Variants in DPP6 observed in about 807,000 individuals in gnomAD.
The protein encoded by DPP6 is A-type potassium channel modulatory protein DPP6.
In DPP6, 69 loss-of-function variants were observed where a neutral mutation model predicts 122.6. That is an observed-to-expected ratio of 0.56 (90% CI 0.46 to 0.69). The LOEUF is 0.69. Ranked by LOEUF, DPP6 falls within the 30% of genes least tolerant of loss-of-function variation. DPP6 has a pLI of 0.00. For synonymous variants in DPP6, 418 were observed against 433.1 expected (o/e 0.97, Z 0.43); for missense variants, 928 against 1,116.9 (o/e 0.83, Z 2.41).
chr7:154,695,527 T>C (rs1404376409), intron 7 of DPP6, among the ~76,000 whole-genome samples: 2 of 152,192 alleles, frequency 1.3e-5, no homozygotes, highest in African/African-American at 2.4e-5. Context: ...ATGATTGCTA[T>C]AGTTCAGAGA....
intron 1 of DPP6, among the ~76,000 whole-genome samples, chr7:154,278,945 TGTG>T (rs1240088297): frequency 6.6e-6 from 1 of 151,752 alleles, no homozygotes; most frequent in Non-Finnish European, 1.5e-5. Flanking sequence ...GTGTTTGTTG[TGTG>T]GTATGTATAT....
At chr7:153,837,859 T>TTTTC in the DPP6 span, among the ~76,000 whole-genome samples, 1 of 146,468 alleles carries the variant, frequency 6.8e-6, no homozygotes, top group African/African-American at 2.6e-5. Context: ...TTTTTTTTTT[T>TTTTC]TTTAGTAGAG....
chr7:154,335,603 A>G (rs1305626782), intron 1 of DPP6, among the ~76,000 whole-genome samples: 1 of 152,186 alleles, frequency 6.6e-6, no homozygotes, highest in Non-Finnish European at 1.5e-5. Context: ...CAATCCAAGA[A>G]GCCAATAATT....
At chr7:154,018,268 A>G (rs957998076) in intron 1 of DPP6, among the ~76,000 whole-genome samples, 1 of 151,964 alleles carries the variant, frequency 6.6e-6, no homozygotes, top group African/African-American at 2.4e-5. Flanking sequence ...ACAGAGGCCA[A>G]CACAGTGCCT....
At chr7:154,356,346 A>G (rs1811265309) in intron 1 of DPP6, among the ~76,000 whole-genome samples, 1 of 152,344 alleles carries the variant, frequency 6.6e-6, no homozygotes, top group Non-Finnish European at 1.5e-5. Flanking sequence ...ATACTTAAGT[A>G]CTTGTGGATT....
chr7:153,918,594 CTCTCTCTCTCTCTCTCTCTCTCTCTG>C lies in DPP6; in HGVS notation c.51+30869_51+30894del, dbSNP rs1170807590. Among the ~76,000 whole-genome samples, 498 of 92,210 alleles carry C rather than the reference CTCTCTCTCTCTCTCTCTCTCTCTCTG, an allele frequency of 5.4e-3. 8 individuals carry two copies. The highest frequency in any genetic ancestry group is 0.019 in the East Asian group (74 of 3,926). 60.5% of individuals were successfully genotyped at this position (92,210 alleles called of 152,430 possible). A position where few individuals can be genotyped will look rare whatever the true frequency, so the allele number is the denominator to read the frequency against. On this transcript the variant is annotated intron_variant, in intron 1 of 25. Transcript: ENST00000404039. ...TCTCTCTCTCTCTCTCTCTCTCTCTCTCTCTCTCTCTCTCTCTCTCTCTCTGTCTCTCTCACTACTGGTGATATCAT... is the reference window on the plus strand; with the variant it reads ...TCTCTCTCTCTCTCTCTCTCTCTCTCTCTCTCTCACTACTGGTGATATCAT...
At chr7:154,717,566 AC>A (rs1841559351) in intron 7 of DPP6, among the ~76,000 whole-genome samples, 1 of 152,204 alleles carries the variant, frequency 6.6e-6, no homozygotes, top group Non-Finnish European at 1.5e-5. Flanking sequence ...GCTGCAAATG[AC>A]AGGATTTCAT....
chr7:154,359,446 C>T (rs141010417), intron 1 of DPP6, among the ~76,000 whole-genome samples: 61 of 152,222 alleles, frequency 4.0e-4, no homozygotes, highest in African/African-American at 1.4e-3. Context: ...CCAGCCCCTG[C>T]CTTCTGCTGT....
intron 1 of DPP6, among the ~76,000 whole-genome samples, chr7:154,224,970 C>T (rs535300758): frequency 9.2e-5 from 14 of 152,094 alleles, no homozygotes; most frequent in African/African-American, 2.2e-4. Flanking sequence ...TGGTGAACCC[C>T]GTCTCTACTG....
At chr7:154,286,151 C>T (rs184127218) in intron 1 of DPP6, among the ~76,000 whole-genome samples, 17 of 152,252 alleles carry the variant, frequency 1.1e-4, no homozygotes, top group Admixed American at 4.6e-4. Flanking sequence ...AACTGAGCAG[C>T]GCACTGAGAT....
At chr7:153,833,004 G>T in the DPP6 span, among the ~76,000 whole-genome samples, 2 of 152,204 alleles carry the variant, frequency 1.3e-5, no homozygotes, top group Non-Finnish European at 2.9e-5. Context: ...ATGTGACACA[G>T]CTAAGGTGCA....
At chr7:154,333,505 T>G (rs1327425158) in intron 1 of DPP6, among the ~76,000 whole-genome samples, 6 of 152,206 alleles carry the variant, frequency 3.9e-5, no homozygotes, top group Non-Finnish European at 5.9e-5. Context: ...CAGGCTGCAT[T>G]TAGATGGTTT....
chr7:154,182,937 C>T (rs1319960722), intron 1 of DPP6, among the ~76,000 whole-genome samples: 3 of 152,150 alleles, frequency 2.0e-5, no homozygotes, highest in Admixed American at 6.5e-5. Flanking sequence ...TTTCTCACTT[C>T]TCTTCCCACT....
chr7:153,977,110 T>C (rs1796345918), intron 1 of DPP6, among the ~76,000 whole-genome samples: 1 of 152,100 alleles, frequency 6.6e-6, no homozygotes, highest in South Asian at 2.1e-4. Context: ...GTTTTCTTTC[T>C]TTTTTTTCTC....
At chr7:154,409,349 AG>A (rs1816396203) in intron 1 of DPP6, among the ~76,000 whole-genome samples, 1 of 152,214 alleles carries the variant, frequency 6.6e-6, no homozygotes, top group African/African-American at 2.4e-5. Flanking sequence ...CTATAAGCCA[AG>A]GGCAGAGGCC....
intron 5 of DPP6, among the ~76,000 whole-genome samples, chr7:154,590,660 G>A (rs1449993804): frequency 3.3e-5 from 5 of 149,556 alleles, no homozygotes; most frequent in South Asian, 2.2e-4. Context: ...TCAGCCTCTC[G>A]AGTAGCTGGG....
chr7:154,125,335 C>T (rs1485650612), intron 1 of DPP6, among the ~76,000 whole-genome samples: 1 of 152,194 alleles, frequency 6.6e-6, no homozygotes, highest in Non-Finnish European at 1.5e-5. Flanking sequence ...TATATACCGC[C>T]TACATTTCTG....
At chr7:154,717,456 A>C (rs1448648282) in intron 7 of DPP6, among the ~76,000 whole-genome samples, 1 of 151,996 alleles carries the variant, frequency 6.6e-6, no homozygotes, top group Admixed American at 6.6e-5. Context: ...CTATGAGAGC[A>C]ATGTTTTAGA....
rs146051843 is a variant in DPP6, at chr7:154,655,989, G to C, written c.681-13371G>C. ...GCGGTGAGAAATCGCCACAAACTGCGTGGCTTAAAACAACAGAAATTGCCC... is the reference window on the plus strand; with the variant it reads ...GCGGTGAGAAATCGCCACAAACTGCCTGGCTTAAAACAACAGAAATTGCCC... On this transcript the variant is annotated intron_variant, in intron 6 of 25. Coordinates refer to ENST00000377770, the MANE Select transcript of DPP6 (RefSeq NM_130797.4). Among the ~76,000 whole-genome samples, 662 of 152,080 alleles carry C rather than the reference G, an allele frequency of 4.4e-3. 4 individuals carry two copies. The highest frequency in any genetic ancestry group is 0.015 in the African/African-American group (617 of 41,488).
Sources: allele counts gnomAD v4.1 joint callset (sites outside exome capture counted in the v4.1 genomes callset), GRCh38; gene constraint gnomAD v4.1.1; transcripts MANE v1.5; gene names NCBI Gene and HGNC (gene_info 2026-07-23, HGNC 2026-07-21).